Variants in RPS6KB1 observed in about 807,000 individuals in gnomAD.
The protein encoded by RPS6KB1 is ribosomal protein S6 kinase B1.
RPS6KB1 carries 12 observed loss-of-function variants against 70.2 expected under a neutral mutation model. That is an observed-to-expected ratio of 0.17 (90% CI 0.11 to 0.28). The LOEUF is 0.28. Among genes scored for constraint, RPS6KB1 ranks in the 10% least tolerant of loss-of-function variants. RPS6KB1 has a pLI of 1.00. For synonymous variants in RPS6KB1, 175 were observed against 211.2 expected (o/e 0.83, Z 1.49); for missense variants, 270 against 646.6 (o/e 0.42, Z 6.32).
chr17:59,935,495 G>A (rs2044175359), intron 10 of RPS6KB1, among the ~76,000 whole-genome samples, 195 bp downstream of exon 10: 1 of 150,116 alleles, frequency 6.7e-6, no homozygotes, highest in Non-Finnish European at 1.5e-5. Context: ...TTTTTTTTGA[G>A]ACAGGGTCTT....
At position 59,949,422 on chromosome 17, in the gene RPS6KB1, TAA is replaced by T. The variant is rs1353980297; in HGVS notation, c.*2635_*2636del. 3.9e-5 allele frequency: 6 copies of T among 152,740 alleles called. No individual in the cohort carries two copies. The highest frequency in any genetic ancestry group is 1.2e-4 in the African/African-American group (5 of 41,584). 9.5% of individuals were successfully genotyped at this position (152,740 alleles called of 1,614,324 possible). ...TACCAGGTAAGTGTATAAAAGAGAT[TAA>T]GTGCTTTTTTTTCATCACTTGATTA... On this transcript the variant is annotated 3_prime_UTR_variant, in exon 15 of 15. Transcript: ENST00000225577.
chr17:59,911,537 GGT>G (rs2042634921), intron 2 of RPS6KB1, among the ~76,000 whole-genome samples: 1 of 101,534 alleles, frequency 9.8e-6, no homozygotes, highest in African/African-American at 4.4e-5. Context: ...ATTTTTGTTG[GGT>G]TTTTTTTTTT....
intron 4 of RPS6KB1, among the ~76,000 whole-genome samples, chr17:59,923,951 A>C (rs1234860706): frequency 1.3e-5 from 2 of 152,230 alleles, no homozygotes; most frequent in South Asian, 2.1e-4. Context: ...TCCAGCTACA[A>C]ACCTACTAAG....
At position 59,950,389 on chromosome 17, in the gene RPS6KB1, G is replaced by A. The variant is rs561486838; in HGVS notation, c.*3601G>A. 6.5e-6 allele frequency: 1 copy of A among 152,686 alleles called. No homozygotes were observed. Among genetic ancestry groups the A allele is most frequent in the East Asian group, 1.9e-4 (1 of 5,184 alleles). The allele number at this position is 152,686 out of a possible 1,614,324, so 9.5% of individuals were successfully genotyped here. A position where few individuals can be genotyped will look rare whatever the true frequency, so the allele number is the denominator to read the frequency against. On this transcript the variant is annotated 3_prime_UTR_variant, in exon 15 of 15. Coordinates refer to ENST00000225577, the MANE Select transcript of RPS6KB1 (RefSeq NM_003161.4). ...TTATTTGATTTCGGATTGAATGAAT[G>A]TAAATAGAAATTAAATGCAAATTTG...
intron 1 of RPS6KB1, chr17:59,894,027 ATGTC>A: frequency 1.3e-6 from 1 of 775,236 alleles, no homozygotes. Context: ...CAAGTTGAAG[ATGTC>A]TGTATTTTTT....
At chr17:59,901,401 A>G (rs1381820486) in intron 1 of RPS6KB1, among the ~76,000 whole-genome samples, 1 of 151,132 alleles carries the variant, frequency 6.6e-6, no homozygotes, top group Non-Finnish European at 1.5e-5. Context: ...CGCCCGCCTC[A>G]GCCTCCTAAA....
intron 4 of RPS6KB1, among the ~76,000 whole-genome samples, chr17:59,924,174 C>T (rs774415544): frequency 1.3e-5 from 2 of 151,950 alleles, no homozygotes; most frequent in African/African-American, 2.4e-5. Flanking sequence ...ACTAAAAATA[C>T]AAAAATTAGC....
At chr17:59,920,856 G>A (rs1356891111) in intron 4 of RPS6KB1, among the ~76,000 whole-genome samples, 2 of 152,052 alleles carry the variant, frequency 1.3e-5, no homozygotes, top group East Asian at 1.9e-4. Context: ...GTACCACCAC[G>A]CCTGGCTAAT....
intron 2 of RPS6KB1, among the ~76,000 whole-genome samples, chr17:59,911,586 C>T (rs978841241): frequency 7.4e-6 from 1 of 134,262 alleles, no homozygotes; most frequent in Non-Finnish European, 1.5e-5. Flanking sequence ...GCTCTTGTTC[C>T]CAGGCTGGAG....
At chr17:59,901,947 A>G (rs2041976991) in intron 1 of RPS6KB1, among the ~76,000 whole-genome samples, 1 of 148,186 alleles carries the variant, frequency 6.7e-6, no homozygotes, top group Admixed American at 6.8e-5. Flanking sequence ...TGAGTCTCCA[A>G]GGTTGAGTTT....
At chr17:59,901,625 GAAAAAAAA>G (rs58530265) in intron 1 of RPS6KB1, among the ~76,000 whole-genome samples, 2 of 79,192 alleles carry the variant, frequency 2.5e-5, no homozygotes, top group Admixed American at 1.6e-4. Flanking sequence ...CCCTGTCTCT[GAAAAAAAA>G]AAAAAAAAAA....
At chr17:59,931,989 C>G (rs1272468335) in intron 7 of RPS6KB1, among the ~76,000 whole-genome samples, 2 of 152,042 alleles carry the variant, frequency 1.3e-5, no homozygotes, top group African/African-American at 2.4e-5. Flanking sequence ...TTTTTGGAAT[C>G]TTTACATCAA....
At chr17:59,918,081 G>A (rs964705351) in intron 4 of RPS6KB1, among the ~76,000 whole-genome samples, 1 of 151,012 alleles carries the variant, frequency 6.6e-6, no homozygotes. Flanking sequence ...TTACAGGCAT[G>A]TGCCACCATG....
intron 4 of RPS6KB1, among the ~76,000 whole-genome samples, chr17:59,919,231 T>TCAAAAACCC (rs1195656643): frequency 7.2e-5 from 11 of 152,122 alleles, no homozygotes; most frequent in African/African-American, 2.7e-4. Context: ...CTTCAAATAA[T>TCAAAAACCC]AGTGTCTGTA....
intron 6 of RPS6KB1, chr17:59,931,320 C>T (rs1568474002): frequency 3.4e-6 from 1 of 295,396 alleles, no homozygotes; most frequent in Non-Finnish European, 6.4e-6. Flanking sequence ...TTAATTCCTA[C>T]ACAGACAGAA....
chr17:59,912,839 G>C (rs1177597726), intron 3 of RPS6KB1, 35 bp downstream of exon 3: 2 of 1,605,600 alleles, frequency 1.2e-6, no homozygotes, highest in South Asian at 2.2e-5. Flanking sequence ...GCTGTTGTCT[G>C]TCTTGAATAG....
At chr17:59,917,206 A>T (rs1363517067) in intron 4 of RPS6KB1, among the ~76,000 whole-genome samples, 1 of 151,946 alleles carries the variant, frequency 6.6e-6, no homozygotes, top group Non-Finnish European at 1.5e-5. Context: ...GCAACCTCAA[A>T]TTCCTGGGCT....
chr17:59,900,703 CTG>C (rs2041882606), intron 1 of RPS6KB1, among the ~76,000 whole-genome samples: 1 of 152,006 alleles, frequency 6.6e-6, no homozygotes, highest in South Asian at 2.1e-4. Context: ...TTCGTGTAAA[CTG>C]AGAGTTCATA....
At chr17:59,941,669 C>G (rs1205916560) in intron 13 of RPS6KB1, among the ~76,000 whole-genome samples, 2 of 147,716 alleles carry the variant, frequency 1.4e-5, no homozygotes, top group Non-Finnish European at 3.0e-5. Context: ...GAGTCTTGCT[C>G]TGTCACCAGG....
Sources: gnomAD v4.1 joint callset for allele counts (sites outside exome capture counted in the v4.1 genomes callset) on GRCh38, gnomAD v4.1.1 for gene constraint, MANE v1.5 for transcripts, NCBI Gene and HGNC (gene_info 2026-07-23, HGNC 2026-07-21) for gene names.